CLASP1: variants seen among roughly 807,000 people sequenced by gnomAD.
The protein encoded by CLASP1 is CLIP-associating protein 1.
CLASP1 carries 38 observed loss-of-function variants against 192.3 expected under a neutral mutation model. That is an observed-to-expected ratio of 0.20 (90% CI 0.15 to 0.26). CLASP1 has a LOEUF of 0.26. Among genes scored for constraint, CLASP1 ranks in the 10% least tolerant of loss-of-function variants. CLASP1 has a pLI of 1.00. For synonymous variants in CLASP1, 691 were observed against 712.8 expected (o/e 0.97, Z 0.49); for missense variants, 1,433 against 1,932.5 (o/e 0.74, Z 4.85).
At position 121,588,679 on chromosome 2, in the gene CLASP1, G is replaced by T. The variant is rs546784253; in HGVS notation, c.195+17022C>A. On this transcript the variant is annotated intron_variant, in intron 2 of 39. Coordinates refer to ENST00000263710, the Ensembl canonical transcript of CLASP1. The stretch of plus-strand genomic sequence containing the variant: ...TGGCACATCTAAATCCACACAAATA[G>T]TAAGTAGAGAGCTGTGATACAAACC... 3.3e-5 allele frequency among the ~76,000 whole-genome samples: 5 copies of T among 152,282 alleles called. No homozygotes were observed. In the South Asian group the frequency reaches 8.3e-4, roughly 25 times the overall value.
intron 1 of CLASP1, among the ~76,000 whole-genome samples, chr2:121,632,403 T>C (rs2069862309): frequency 6.6e-6 from 1 of 152,168 alleles, no homozygotes; most frequent in Non-Finnish European, 1.5e-5. Flanking sequence ...AAATAATATA[T>C]TATAGAATTA....
At chr2:121,484,355 C>T (rs1265691210) in intron 8 of CLASP1, among the ~76,000 whole-genome samples, 1 of 152,140 alleles carries the variant, frequency 6.6e-6, no homozygotes, top group South Asian at 2.1e-4. Context: ...AAGCCAACTG[C>T]CCACATAATA....
intron 1 of CLASP1, among the ~76,000 whole-genome samples, chr2:121,637,242 G>C (rs1051905157): frequency 3.9e-5 from 6 of 152,128 alleles, no homozygotes; most frequent in Admixed American, 3.3e-4. Flanking sequence ...CACATCTCCT[G>C]TTTTGAGGGA....
intron 30 of CLASP1, among the ~76,000 whole-genome samples, chr2:121,390,047 C>A (rs2074077578): frequency 6.6e-6 from 1 of 152,048 alleles, no homozygotes; most frequent in African/African-American, 2.4e-5. Context: ...GCCCAAGTAT[C>A]CAATTTTTAA....
exon 40 of CLASP1, chr2:121,340,933 G>A (rs2062703129): frequency 1.6e-5 from 25 of 1,605,972 alleles, no homozygotes; most frequent in Non-Finnish European, 2.0e-5. Flanking sequence ...TTATGTATAA[G>A]TTTAGTAGCT....
At chr2:121,415,008 G>A (rs1202776976) in intron 23 of CLASP1, among the ~76,000 whole-genome samples, 2 of 152,006 alleles carry the variant, frequency 1.3e-5, no homozygotes, top group African/African-American at 2.4e-5. Context: ...TCAAACTTCT[G>A]GGCTCAAGCA....
chr2:121,355,845 C>T (rs2065284319), intron 37 of CLASP1, among the ~76,000 whole-genome samples: 2 of 152,190 alleles, frequency 1.3e-5, no homozygotes, highest in African/African-American at 4.8e-5. Context: ...ATCAAAAAGA[C>T]TTCTGGGTTA....
chr2:121,375,695 A>C (rs1003855795), intron 34 of CLASP1, among the ~76,000 whole-genome samples: 3 of 152,100 alleles, frequency 2.0e-5, no homozygotes, highest in Admixed American at 2.0e-4. Context: ...GAACTGACTA[A>C]TACAACATCC....
intron 2 of CLASP1, among the ~76,000 whole-genome samples, chr2:121,559,242 T>C (rs190398815): frequency 1.3e-5 from 2 of 152,294 alleles, no homozygotes; most frequent in African/African-American, 2.4e-5. Context: ...TCAAACATTA[T>C]TGGTGGGATT....
intron 6 of CLASP1, among the ~76,000 whole-genome samples, chr2:121,524,786 G>T (rs981121387): frequency 6.6e-6 from 1 of 152,158 alleles, no homozygotes; most frequent in African/African-American, 2.4e-5. Flanking sequence ...AACAAAGGCT[G>T]AAAAAGGGCG....
chr2:121,648,523 A>G (rs2073605336), intron 1 of CLASP1, among the ~76,000 whole-genome samples: 1 of 152,208 alleles, frequency 6.6e-6, no homozygotes, highest in Non-Finnish European at 1.5e-5. Flanking sequence ...TAATTTTAGA[A>G]GCAAACAACT....
At chr2:121,464,114 C>A (rs148613178) in intron 9 of CLASP1, among the ~76,000 whole-genome samples, 1 of 150,858 alleles carries the variant, frequency 6.6e-6, no homozygotes, top group Admixed American at 6.6e-5. Flanking sequence ...TTTGTTCTTG[C>A]GATAGTTTAC....
Position 121,535,567 on chromosome 2 carries a change from G to C in CLASP1, c.196-5242C>G, listed in dbSNP as rs990972660. On this transcript the variant is annotated intron_variant, in intron 2 of 39. Coordinates refer to ENST00000263710, the Ensembl canonical transcript of CLASP1. Reference sequence around the variant, plus strand: ...TCAAAAGAATAGGCAAGAGAGAATAGAGAGAAAACATCAAGTTTAAATGGA... The same window carrying C: ...TCAAAAGAATAGGCAAGAGAGAATACAGAGAAAACATCAAGTTTAAATGGA... Among the ~76,000 whole-genome samples, 4 of 151,452 alleles carry C rather than the reference G, an allele frequency of 2.6e-5. No homozygotes were observed. In the East Asian group the frequency reaches 7.7e-4, roughly 29 times the overall value.
chr2:121,459,000 C>T (rs762233536), intron 12 of CLASP1, 25 bp from the exon 13 acceptor site: 9 of 1,552,888 alleles, frequency 5.8e-6, no homozygotes, highest in Non-Finnish European at 1.7e-6. Context: ...GGATACTGGA[C>T]TATAGTTATT....
intron 2 of CLASP1, among the ~76,000 whole-genome samples, chr2:121,584,142 G>A (rs889834408): frequency 5.3e-5 from 8 of 152,182 alleles, no homozygotes; most frequent in African/African-American, 1.7e-4. Context: ...TGGGCATCTT[G>A]CTTTCTTTGT....
At position 121,478,860 on chromosome 2, in the gene CLASP1, CCA is replaced by C. The variant is rs1559368477; in HGVS notation, c.713-8902_713-8901del. 3.5e-3 allele frequency among the ~76,000 whole-genome samples: 272 copies of C among 77,026 alleles called. 6 individuals carry two copies. Among genetic ancestry groups the C allele is most frequent in the African/African-American group, 0.02 (254 of 12,724 alleles). The allele number at this position is 77,026 out of a possible 152,430, so 50.5% of individuals were successfully genotyped here. A position where few individuals can be genotyped will look rare whatever the true frequency, so the allele number is the denominator to read the frequency against. ...CACCACACACACACCACACACCACACCACACACACACCACACCACACACACAC... is the reference window on the plus strand; with the variant it reads ...CACCACACACACACCACACACCACACCACACACACCACACCACACACACAC... On this transcript the variant is annotated intron_variant, in intron 8 of 39. Coordinates refer to ENST00000263710, the Ensembl canonical transcript of CLASP1.
At chr2:121,505,369 A>C (rs142225649) in intron 7 of CLASP1, 1 of 152,212 alleles carries the variant, frequency 6.6e-6, no homozygotes, top group Non-Finnish European at 1.5e-5. Flanking sequence ...CACTATAAAC[A>C]TAACTATTAC....
At chr2:121,527,660 C>T (rs2094607403) in intron 5 of CLASP1, 139 bp downstream of exon 5, 5 of 644,162 alleles carry the variant, frequency 7.8e-6, no homozygotes, top group Non-Finnish European at 1.1e-5. Context: ...GGTGCTAACA[C>T]TGGGCAAGGG....
chr2:121,563,499 T>C (rs1021788208), intron 2 of CLASP1, among the ~76,000 whole-genome samples: 8 of 152,212 alleles, frequency 5.3e-5, no homozygotes, highest in Non-Finnish European at 1.0e-4. Context: ...AAAATTAACA[T>C]GCCGACACAC....
Sources: allele counts gnomAD v4.1 joint callset (sites outside exome capture counted in the v4.1 genomes callset), GRCh38; gene constraint gnomAD v4.1.1; transcripts MANE v1.5; gene names NCBI Gene and HGNC (gene_info 2026-07-23, HGNC 2026-07-21).